PAQR9: variants seen among roughly 807,000 people sequenced by gnomAD.
PAQR9 encodes the protein membrane progestin receptor epsilon.
A neutral mutation model predicts 24.0 loss-of-function variants in PAQR9; 12 were observed. The observed-to-expected ratio is 0.50, with a 90% CI of 0.32 to 0.81. PAQR9 has a LOEUF of 0.81. Ranked by LOEUF, PAQR9 falls within the 30% of genes least tolerant of loss-of-function variation. The probability of loss-of-function intolerance (pLI) is 0.03; values close to 1 mark genes in which losing one functional copy is unlikely to be tolerated. For synonymous variants in PAQR9, 266 were observed against 237.6 expected, an observed-to-expected ratio of 1.12 and a Z score of -1.10; for missense variants, 418 against 520.8, an observed-to-expected ratio of 0.80 and a Z score of 1.92.
downstream of PAQR9, among the ~76,000 whole-genome samples, chr3:142,952,079 T>G (rs1934723989): frequency 2.0e-5 from 3 of 148,664 alleles, no homozygotes; most frequent in East Asian, 4.0e-4. Flanking sequence ...TGTGACATAG[T>G]GGGGAGAGGG....
In PAQR9 at chr3:142,962,614, C is replaced by A; in HGVS notation, c.723G>T (p.Ala241=). The part of the protein sequence containing the change: ...SRTDWCTYPF[A]LRTFVFVMPL... ...GCATGACGAAGACGAAGGTGCGCAGCGCGAACGGGTAGGTACACCAGTCGG... is the reference window on the plus strand; with the variant it reads ...GCATGACGAAGACGAAGGTGCGCAGAGCGAACGGGTAGGTACACCAGTCGG... Residue 241 remains alanine, a synonymous_variant, in exon 1 of 1, where the codon GCG becomes GCT. Coordinates refer to ENST00000340634, the MANE Select transcript of PAQR9 (RefSeq NM_198504.4). 1.2e-6 allele frequency: 2 copies of A among 1,613,042 alleles called. No homozygotes were observed. The highest frequency in any genetic ancestry group is 1.7e-6 in the Non-Finnish European group (2 of 1,179,586).
downstream of PAQR9, among the ~76,000 whole-genome samples, chr3:142,952,047 A>AGAG (rs1553825957): frequency 0.021 from 2,202 of 103,448 alleles, 58 homozygotes; most frequent in African/African-American, 0.073. Flanking sequence ...GTGAAAAAGA[A>AGAG]GGGGGGGGGG....
chr3:142,962,602 G>T lies in PAQR9; in HGVS notation c.735C>A (p.Phe245Leu). 1.9e-6 allele frequency: 3 copies of T among 1,613,828 alleles called. No individual in the cohort carries two copies. The highest frequency in any genetic ancestry group is 2.5e-6 in the Non-Finnish European group (3 of 1,179,940). The change falls in exon 1 of 1, where the codon TTC (phenylalanine) becomes TTA (leucine). Residue 245 changes from phenylalanine (F) to leucine (L), a missense_variant. Physicochemically the swap from Phe to Leu is conservative, Grantham distance 22. Coordinates refer to ENST00000340634, the MANE Select transcript of PAQR9 (RefSeq NM_198504.4). Reference sequence around the variant, plus strand: ...CCATGCTGAGCGGCATGACGAAGACGAAGGTGCGCAGCGCGAACGGGTAGG... The same window carrying T: ...CCATGCTGAGCGGCATGACGAAGACTAAGGTGCGCAGCGCGAACGGGTAGG... ...WCTYPFALRT[F>L]VFVMPLSMAC... is the part of the protein sequence containing the mutation.
chr3:142,951,020 T>A (rs950779721), downstream of PAQR9, among the ~76,000 whole-genome samples: 1 of 152,254 alleles, frequency 6.6e-6, no homozygotes, highest in African/African-American at 2.4e-5. Flanking sequence ...ATTATATAGA[T>A]GACATTGATA....
At chr3:142,951,982 G>A (rs1349672314), downstream of PAQR9, among the ~76,000 whole-genome samples, 4 of 150,544 alleles carry the variant, frequency 2.7e-5, no homozygotes, top group South Asian at 2.1e-4. Context: ...AAAGGAGTGA[G>A]TGGGAGGTAC....
chr3:142,962,650 G>C lies in PAQR9; in HGVS notation c.687C>G (p.Cys229Trp). The C allele has an allele frequency of 6.2e-7, 1 of 1,611,340 alleles. No homozygotes were observed. Among genetic ancestry groups the C allele is most frequent in the Non-Finnish European group, 8.5e-7 (1 of 1,178,956 alleles). The change falls in exon 1 of 1, where the codon TGC becomes TGG. Residue 229 changes from cysteine (C) to tryptophan (W), a missense_variant. By Grantham distance (215) the Cys-to-Trp change is radical. This residue lies in a region of PAQR9 where 230 missense variants were observed against 305.2 expected (regional missense o/e 0.75). Transcript: ENST00000340634. ...AGGTACACCAGTCGGTACGGCTCTT[G>C]CAGCAGGCCACAGTGCAAGCCACCG... Reference protein sequence around the residue: ...VLAVACTVACCKSRTDWCTYP... With the variant: ...VLAVACTVACWKSRTDWCTYP...
downstream of PAQR9, among the ~76,000 whole-genome samples, chr3:142,954,573 G>A (rs1394193091): frequency 3.3e-5 from 5 of 152,198 alleles, no homozygotes; most frequent in South Asian, 4.1e-4. Context: ...AGATGTGTAC[G>A]ATCCTAAACA....
Position 142,963,332 on chromosome 3 carries a change from G to C in PAQR9, c.5C>G (p.Pro2Arg). 7.3e-7 allele frequency: 1 copy of C among 1,361,364 alleles called. No homozygotes were observed. The highest frequency in any genetic ancestry group is 1.7e-5 in the South Asian group (1 of 57,684). 84.3% of individuals were successfully genotyped at this position (1,361,364 alleles called of 1,614,324 possible). A position where few individuals can be genotyped will look rare whatever the true frequency, so the allele number is the denominator to read the frequency against. ...CGCGCCCCGGGGCTGCAGGCGCCGC[G>C]GCATGGTGCCCGGGGCTCGGCTAGG... is the stretch of plus-strand genomic sequence containing the variant. The part of the protein sequence containing the change: M[P>R]RRLQPRGAGT... The change falls in exon 1 of 1, where the codon CCG becomes CGG. Residue 2 changes from proline (P) to arginine (R), a missense_variant. Transcript: ENST00000340634.
rs1379870432 is a variant in PAQR9 at position 142,961,818 on chromosome 3, T to C, written c.*385A>G. On this transcript the variant is annotated 3_prime_UTR_variant, in exon 1 of 1. Transcript: ENST00000340634. The stretch of plus-strand genomic sequence containing the variant: ...TCCCAAGGATTCTATTTACCCTCTT[T>C]ACTGTGTACCTGACCTCACAGGGGC... The C allele has an allele frequency of 1.5e-5, 3 of 204,630 alleles. No individual in the cohort carries two copies. Among genetic ancestry groups the C allele is most frequent in the Non-Finnish European group, 3.0e-5 (3 of 100,774 alleles). The allele number at this position is 204,630 out of a possible 1,614,324, so 12.7% of individuals were successfully genotyped here. A position where few individuals can be genotyped will look rare whatever the true frequency, so the allele number is the denominator to read the frequency against.
chr3:142,952,672 T>C, downstream of PAQR9: 1 of 435,620 alleles, frequency 2.3e-6, no homozygotes, highest in Non-Finnish European at 4.6e-6. Flanking sequence ...CCCCACTCTA[T>C]GTTCTGGCTT....
rs1341442078 is a variant in PAQR9 at position 142,958,854 on chromosome 3, C to G, written c.*3349G>C. Among the ~76,000 whole-genome samples the G allele has an allele frequency of 2.6e-5, 4 of 152,150 alleles. No homozygotes were observed. The highest frequency in any genetic ancestry group is 2.6e-4 in the Admixed American group (4 of 15,262). ...ATGACATGACCGAGGAACTCATTTC[C>G]TCTCTCTGGGAAGGTCATCCTCTTC... On this transcript the variant is annotated 3_prime_UTR_variant, in exon 1 of 1. Transcript: ENST00000340634.
chr3:142,954,961 A>C lies in PAQR9; in HGVS notation c.*7242T>G, dbSNP rs890018662. The stretch of plus-strand genomic sequence containing the variant: ...TCTTTAGGGTGTAGGTAAGGACTGG[A>C]GTAAGGGTAGCCTAAAAAGAATGAA... On this transcript the variant is annotated 3_prime_UTR_variant, in exon 1 of 1. Coordinates refer to ENST00000340634, the MANE Select transcript of PAQR9 (RefSeq NM_198504.4). Among the ~76,000 whole-genome samples the C allele has an allele frequency of 6.6e-6, 1 of 152,188 alleles. No individual in the cohort carries two copies.
chr3:142,963,010 G>A lies in PAQR9; in HGVS notation c.327C>T (p.Gly109=), dbSNP rs779389671. ...SKFCRLFFLS[G]GDVPFHHPWL... ...ACGGGTGGTGGAAGGGCACGTCGCC[G>A]CCGCTCAGGAAGAACAGACGGCAGA... is the stretch of plus-strand genomic sequence containing the variant. The change falls in exon 1 of 1, where the codon GGC becomes GGT. Residue 109 remains glycine, a synonymous_variant. Transcript: ENST00000340634. 1.9e-6 allele frequency: 3 copies of A among 1,614,026 alleles called. No individual in the cohort carries two copies. The highest frequency in any genetic ancestry group is 1.3e-5 in the African/African-American group (1 of 74,938).
rs1417148304 is a variant in PAQR9, at chr3:142,962,803, T to C, written c.534A>G (p.Pro178=). 6.2e-7 allele frequency: 1 copy of C among 1,612,544 alleles called. No individual in the cohort carries two copies. The highest frequency in any genetic ancestry group is 1.1e-5 in the South Asian group (1 of 90,962). Residue 178 remains proline, a synonymous_variant, in exon 1 of 1, where the codon CCA becomes CCG. Coordinates refer to ENST00000340634, the MANE Select transcript of PAQR9 (RefSeq NM_198504.4). ...CTCTGGCATCCAGCAAGCTGAGGCC[T>C]GGCAACAGGTAGTAGTAGTAGGCCA... ...STVAYYYYLL[P]GLSLLDARVM...
At position 142,960,042 on chromosome 3, in the gene PAQR9, T is replaced by C. The variant is rs1196317026; in HGVS notation, c.*2161A>G. 6.6e-6 allele frequency among the ~76,000 whole-genome samples: 1 copy of C among 152,216 alleles called. No homozygotes were observed. The highest frequency in any genetic ancestry group is 2.4e-5 in the African/African-American group (1 of 41,462). On this transcript the variant is annotated 3_prime_UTR_variant, in exon 1 of 1. Transcript: ENST00000340634. Reference sequence around the variant, plus strand: ...GCTGAGGAATAACATCTGTTGTAAGTACAAATTAGCCTCTGTAACCTAACA... The same window carrying C: ...GCTGAGGAATAACATCTGTTGTAAGCACAAATTAGCCTCTGTAACCTAACA...
chr3:142,951,880 A>G, downstream of PAQR9: 1 of 410,484 alleles, frequency 2.4e-6, no homozygotes, highest in Non-Finnish European at 4.8e-6. Context: ...GGGAAAGAGG[A>G]TCTCAGAAAA....
chr3:142,962,452 G>T lies in PAQR9; in HGVS notation c.885C>A (p.Ile295=), dbSNP rs766391368. Residue 295 remains isoleucine, a synonymous_variant, in exon 1 of 1, where the codon ATC becomes ATA. Transcript: ENST00000340634. The part of the protein sequence containing the change: ...VVAAFFNVSK[I]PERIQPGLFD... ...AAAGACCCGGCTGGATGCGCTCGGGGATCTTGCTCACGTTGAAGAAGGCGG... is the reference window on the plus strand; with the variant it reads ...AAAGACCCGGCTGGATGCGCTCGGGTATCTTGCTCACGTTGAAGAAGGCGG... The T allele has an allele frequency of 3.1e-6, 5 of 1,613,718 alleles. No homozygotes were observed. The highest frequency in any genetic ancestry group is 4.2e-6 in the Non-Finnish European group (5 of 1,179,962).
rs1219953488 is a variant in PAQR9 at position 142,957,834 on chromosome 3, AATTG to A, written c.*4365_*4368del. Among the ~76,000 whole-genome samples the A allele has an allele frequency of 6.6e-6, 1 of 152,208 alleles. No individual in the cohort carries two copies. Among genetic ancestry groups the A allele is most frequent in the Non-Finnish European group, 1.5e-5 (1 of 68,044 alleles). On this transcript the variant is annotated 3_prime_UTR_variant, in exon 1 of 1. Transcript: ENST00000340634. The stretch of plus-strand genomic sequence containing the variant: ...CACACAGAAAAAGAAAAAAGAAAGA[AATTG>A]ATTGCTGAGGAAGTCAGCATGTGAA...
Position 142,958,557 on chromosome 3 carries a change from G to A in PAQR9, c.*3646C>T, listed in dbSNP as rs1366812835. 6.6e-6 allele frequency among the ~76,000 whole-genome samples: 1 copy of A among 152,156 alleles called. No individual in the cohort carries two copies. The highest frequency in any genetic ancestry group is 1.5e-5 in the Non-Finnish European group (1 of 68,018). ...ATAAAAATTCCTGTTTATTATTGCT[G>A]TTAGTCCTCAGAGTTGGCACCAAAT... is the stretch of plus-strand genomic sequence containing the variant. On this transcript the variant is annotated 3_prime_UTR_variant, in exon 1 of 1. Coordinates refer to ENST00000340634, the MANE Select transcript of PAQR9 (RefSeq NM_198504.4).
Sources: gnomAD v4.1 joint callset for allele counts (sites outside exome capture counted in the v4.1 genomes callset) on GRCh38, gnomAD v4.1.1 for gene constraint, gnomAD v4.1.1 regional missense constraint, MANE v1.5 for transcripts, NCBI Gene and HGNC (gene_info 2026-07-23, HGNC 2026-07-21) for gene names.